Variants in CHMP2B observed in about 807,000 individuals in gnomAD.
CHMP2B encodes the protein charged multivesicular body protein 2B.
A neutral mutation model predicts 29.8 loss-of-function variants in CHMP2B; 22 were observed. The observed-to-expected ratio is 0.74, with a 90% CI of 0.53 to 1.05. The LOEUF is 1.05. Among genes scored for constraint, CHMP2B ranks in the 50% least tolerant of loss-of-function variants. The probability of loss-of-function intolerance (pLI) is 0.00; values close to 1 mark genes in which losing one functional copy is unlikely to be tolerated. For synonymous variants in CHMP2B, 78 were observed against 75.8 expected (o/e 1.03, Z -0.15); for missense variants, 261 against 252.2 (o/e 1.03, Z -0.24).
intron 2 of CHMP2B, among the ~76,000 whole-genome samples, chr3:87,245,063 A>G (rs1307334503): frequency 6.6e-6 from 1 of 152,176 alleles, no homozygotes; most frequent in Admixed American, 6.5e-5. Context: ...CCCTTATATC[A>G]TTATGAAATA....
intron 1 of CHMP2B, among the ~76,000 whole-genome samples, chr3:87,228,746 A>G (rs1386878484): frequency 6.6e-6 from 1 of 152,140 alleles, no homozygotes; most frequent in Admixed American, 6.5e-5. Flanking sequence ...TTGACTTTTT[A>G]TTAAGTACCA....
At chr3:87,239,948 T>TGTTTCA (rs1706085795) in intron 1 of CHMP2B, among the ~76,000 whole-genome samples, 1 of 152,158 alleles carries the variant, frequency 6.6e-6, no homozygotes, top group African/African-American at 2.4e-5. Flanking sequence ...GAAAGTCTGG[T>TGTTTCA]GTTTCAGTCT....
At chr3:87,251,846 A>G (rs1270073309) in intron 4 of CHMP2B, among the ~76,000 whole-genome samples, 1 of 145,542 alleles carries the variant, frequency 6.9e-6, no homozygotes. Flanking sequence ...TACTTCATTC[A>G]TTTTTTTTTT....
chr3:87,252,324 A>G (rs749067612), intron 4 of CHMP2B, among the ~76,000 whole-genome samples: 1 of 151,868 alleles, frequency 6.6e-6, no homozygotes, highest in East Asian at 1.9e-4. Flanking sequence ...TTTTCTGGGG[A>G]CATTCCCCAG....
intron 1 of CHMP2B, among the ~76,000 whole-genome samples, chr3:87,229,176 C>G (rs895642317): frequency 6.6e-6 from 1 of 151,942 alleles, no homozygotes; most frequent in Non-Finnish European, 1.5e-5. Context: ...TCTGTGCTTC[C>G]TGGTGCTTTT....
intron 1 of CHMP2B, among the ~76,000 whole-genome samples, chr3:87,235,334 A>G (rs1347218555): frequency 1.3e-5 from 2 of 152,190 alleles, no homozygotes; most frequent in Non-Finnish European, 1.5e-5. Context: ...TTAAAAAGAG[A>G]AGAGTAATAT....
In CHMP2B at chr3:87,249,973, A is replaced by T. The variant is rs1426564259; in HGVS notation, c.420A>T (p.Glu140Asp). The change falls in exon 4 of 6, where the codon GAA becomes GAT. Residue 140 changes from glutamate to aspartate, a missense_variant. By Grantham distance (45) the Glu-to-Asp change is conservative. Coordinates refer to ENST00000263780, the MANE Select transcript of CHMP2B (RefSeq NM_014043.4). Reference sequence around the variant, plus strand: ...ACATGAAAATGGAAATGACTGAAGAAATGAGTAAGTTTAATAAATTATAAT... The same window carrying T: ...ACATGAAAATGGAAATGACTGAAGATATGAGTAAGTTTAATAAATTATAAT... ...KENMKMEMTE[E>D]MINDTLDDIF... The T allele has an allele frequency of 6.6e-7, 1 of 1,523,818 alleles. No individual in the cohort carries two copies. Among genetic ancestry groups the T allele is most frequent in the African/African-American group, 1.4e-5 (1 of 72,884 alleles). 94.4% of individuals were successfully genotyped at this position (1,523,818 alleles called of 1,614,324 possible).
chr3:87,248,546 G>T (rs1285754162), intron 3 of CHMP2B, among the ~76,000 whole-genome samples: 1 of 151,658 alleles, frequency 6.6e-6, no homozygotes, highest in Non-Finnish European at 1.5e-5. Context: ...TAGTAGAGAT[G>T]GGTTTTCACC....
At chr3:87,241,644 A>G (rs555710493) in intron 2 of CHMP2B, among the ~76,000 whole-genome samples, 10 of 152,194 alleles carry the variant, frequency 6.6e-5, no homozygotes, top group Non-Finnish European at 1.5e-4. Context: ...AGTGTTAATT[A>G]CTTTTTATTG....
chr3:87,252,061 A>C (rs112515083), intron 4 of CHMP2B, among the ~76,000 whole-genome samples: 16,853 of 151,910 alleles, frequency 0.11, 1,284 homozygotes, highest in Non-Finnish European at 0.17. Context: ...AATAAAAGAC[A>C]AGAAGGAAGT....
At chr3:87,233,591 C>T (rs1373638782) in intron 1 of CHMP2B, among the ~76,000 whole-genome samples, 1 of 152,108 alleles carries the variant, frequency 6.6e-6, no homozygotes, top group Non-Finnish European at 1.5e-5. Context: ...ATATCCATAG[C>T]ACAATCAGGA....
intron 2 of CHMP2B, among the ~76,000 whole-genome samples, chr3:87,244,623 G>T (rs1706180437): frequency 6.6e-6 from 1 of 151,394 alleles, no homozygotes; most frequent in Non-Finnish European, 1.5e-5. Flanking sequence ...GCTTATTTCT[G>T]ATTTTCTTTT....
At chr3:87,234,980 T>G (rs1302554000) in intron 1 of CHMP2B, among the ~76,000 whole-genome samples, 1 of 67,622 alleles carries the variant, frequency 1.5e-5, no homozygotes, top group East Asian at 4.2e-4. Flanking sequence ...TGATTTTGTT[T>G]TACATTTTAA....
chr3:87,229,991 G>T (rs1368634424), intron 1 of CHMP2B, among the ~76,000 whole-genome samples: 1 of 152,122 alleles, frequency 6.6e-6, no homozygotes. Context: ...TCAAGAGAAG[G>T]GAAGGATTCT....
intron 4 of CHMP2B, 34 bp from the exon 5 acceptor site, chr3:87,253,370 G>A: frequency 1.6e-6 from 2 of 1,253,314 alleles, no homozygotes; most frequent in African/African-American, 1.5e-5. Context: ...TTGTTTGAAA[G>A]TAACTGCTTT....
At chr3:87,234,340 C>T (rs1367520910) in intron 1 of CHMP2B, among the ~76,000 whole-genome samples, 1 of 151,924 alleles carries the variant, frequency 6.6e-6, no homozygotes, top group Non-Finnish European at 1.5e-5. Context: ...ACCATATTGA[C>T]TCAGAACCAA....
In CHMP2B at chr3:87,253,914, C is replaced by CA. The variant is rs368297778; in HGVS notation, c.*106dup. Reference sequence around the variant, plus strand: ...TCTTTTACAAAACACATGTATTTTGCAAAAAAAAAAAAAATGAAGACCATG... The same window carrying CA: ...TCTTTTACAAAACACATGTATTTTGCAAAAAAAAAAAAAAATGAAGACCATG... On this transcript the variant is annotated 3_prime_UTR_variant, in exon 6 of 6. Transcript: ENST00000263780. The CA allele has an allele frequency of 0.059, 34,079 of 579,546 alleles. 5 individuals are homozygous for CA. Among genetic ancestry groups the CA allele is most frequent in the East Asian group, 0.068 (1,954 of 28,656 alleles). The allele number at this position is 579,546 out of a possible 1,614,324, so 35.9% of individuals were successfully genotyped here. A position where few individuals can be genotyped will look rare whatever the true frequency, so the allele number is the denominator to read the frequency against.
intron 2 of CHMP2B, 44 bp downstream of exon 2, chr3:87,240,834 T>G: frequency 4.2e-6 from 6 of 1,425,612 alleles, no homozygotes; most frequent in South Asian, 2.3e-5. Context: ...CAAACAAATT[T>G]GGAAATTACT....
At chr3:87,242,516 T>C (rs1219382499) in intron 2 of CHMP2B, among the ~76,000 whole-genome samples, 1 of 152,168 alleles carries the variant, frequency 6.6e-6, no homozygotes, top group African/African-American at 2.4e-5. Flanking sequence ...CTACTTAACT[T>C]TTAGTGTACT....
Sources: gnomAD v4.1 joint callset for allele counts (sites outside exome capture counted in the v4.1 genomes callset) on GRCh38, gnomAD v4.1.1 for gene constraint, MANE v1.5 for transcripts, NCBI Gene and HGNC (gene_info 2026-07-23, HGNC 2026-07-21) for gene names.